The following PPP2R2C variants were observed in gnomAD, a reference collection of about 807,000 sequenced individuals.
The protein encoded by PPP2R2C is protein phosphatase 2, regulatory subunit B, gamma.
In PPP2R2C, 10 loss-of-function variants were observed where a neutral mutation model predicts 45.3. The ratio of observed to expected loss-of-function variants is 0.22; its 90% CI spans 0.14 to 0.37. PPP2R2C has a LOEUF of 0.37. PPP2R2C is among the 10% of genes least tolerant of loss of function. The probability of loss-of-function intolerance (pLI) is 1.00; values close to 1 mark genes in which losing one functional copy is unlikely to be tolerated. For missense variants in PPP2R2C, 308 were observed against 619.7 expected (o/e 0.50, Z 5.34); for synonymous variants, 257 against 245.4 (o/e 1.05, Z -0.44).
intron 1 of PPP2R2C, among the ~76,000 whole-genome samples, chr4:6,408,493 T>C (rs1008918090): frequency 6.6e-6 from 1 of 152,036 alleles, no homozygotes; most frequent in African/African-American, 2.4e-5. Flanking sequence ...CCAGGATGGG[T>C]GGGAACCTGG....
Position 6,472,292 on chromosome 4 carries a change from G to A in PPP2R2C, c.-63C>T. 1 of 1,597,310 alleles carries A rather than the reference G, an allele frequency of 6.3e-7. No individual in the cohort carries two copies. The highest frequency in any genetic ancestry group is 8.5e-7 in the Non-Finnish European group (1 of 1,172,218). On this transcript the variant is annotated 5_prime_UTR_variant, in exon 1 of 9. Coordinates refer to ENST00000382599, the MANE Select transcript of PPP2R2C (RefSeq NM_020416.4). ...CCACACACCGATGCAATCCGCAGAG[G>A]TCGCGCCGGGCGCGCGGGCCATGCC...
chr4:6,470,892 A>T (rs1236588765), intron 1 of PPP2R2C, among the ~76,000 whole-genome samples: 1 of 151,662 alleles, frequency 6.6e-6, no homozygotes, highest in Non-Finnish European at 1.5e-5. Context: ...CGGCCCCCGC[A>T]GCCTCCCTCC....
At chr4:6,367,043 T>G (rs559214488) in intron 5 of PPP2R2C, among the ~76,000 whole-genome samples, 1 of 151,370 alleles carries the variant, frequency 6.6e-6, no homozygotes, top group Non-Finnish European at 1.5e-5. Flanking sequence ...CTTTCCATTC[T>G]GAGGGTGAGA....
chr4:6,357,919 T>C (rs1435561559), intron 5 of PPP2R2C, among the ~76,000 whole-genome samples: 1 of 152,166 alleles, frequency 6.6e-6, no homozygotes, highest in East Asian at 1.9e-4. Context: ...GCAGAGGTTT[T>C]TATAGAAACT....
Position 6,323,034 on chromosome 4 carries a change from C to T in PPP2R2C, c.*268G>A, listed in dbSNP as rs2109142996. 2.6e-6 allele frequency: 1 copy of T among 380,136 alleles called. No individual in the cohort carries two copies. The highest frequency in any genetic ancestry group is 4.3e-5 in the East Asian group (1 of 23,288). The allele number at this position is 380,136 out of a possible 1,614,324, so 23.5% of individuals were successfully genotyped here. ...AAGAACCCTGAACTGTAAGACTCCA[C>T]AGTCATGTCCATTTTATGATTTGTG... On this transcript the variant is annotated 3_prime_UTR_variant, in exon 9 of 9. Transcript: ENST00000382599.
chr4:6,349,987 C>A, intron 5 of PPP2R2C: 1 of 985,278 alleles, frequency 1.0e-6, no homozygotes, highest in Non-Finnish European at 1.2e-6. Context: ...TCAGAAAGCA[C>A]CTAAAAGGGT....
At chr4:6,450,417 C>G (rs1720675195) in intron 1 of PPP2R2C, among the ~76,000 whole-genome samples, 1 of 152,204 alleles carries the variant, frequency 6.6e-6, no homozygotes, top group Non-Finnish European at 1.5e-5. Context: ...AGCTCTTCAT[C>G]TGGGTCACAG....
intron 1 of PPP2R2C, among the ~76,000 whole-genome samples, chr4:6,554,671 C>G (rs1438998259): frequency 1.3e-5 from 2 of 151,946 alleles, no homozygotes; most frequent in African/African-American, 4.8e-5. Flanking sequence ...ACCAGCCTGG[C>G]CAGCATGGTG....
Position 6,368,538 on chromosome 4 carries a change from G to A in PPP2R2C, c.625+3985C>T, listed in dbSNP as rs1192470029. Among the ~76,000 whole-genome samples the A allele has an allele frequency of 6.6e-6, 1 of 152,154 alleles. No individual in the cohort carries two copies. The highest frequency in any genetic ancestry group is 1.5e-5 in the Non-Finnish European group (1 of 68,032). On this transcript the variant is annotated intron_variant, in intron 5 of 8. Transcript: ENST00000382599. The surrounding 1 kb of genome is among the most constrained non-coding windows in gnomAD (Gnocchi z 4.2). Reference sequence around the variant, plus strand: ...GGCACAATCTGTGTGTTCGGGACGGGACAGGAGGCAAGGCTCACGGTAACG... The same window carrying A: ...GGCACAATCTGTGTGTTCGGGACGGAACAGGAGGCAAGGCTCACGGTAACG...
At position 6,331,092 on chromosome 4, in the gene PPP2R2C, G is replaced by T. The variant is rs1340610292; in HGVS notation, c.961-1739C>A. On this transcript the variant is annotated intron_variant, in intron 7 of 8. Coordinates refer to ENST00000382599, the MANE Select transcript of PPP2R2C (RefSeq NM_020416.4). This position sits in a 1 kb window ranked among gnomAD's most constrained non-coding sequence, Gnocchi z 5.9. The stretch of plus-strand genomic sequence containing the variant: ...AATCAAGGGGGATGAATGGCAGCAG[G>T]TTTTAGTGTTCGTGTCCCACCCCCG... Among the ~76,000 whole-genome samples, 1 of 152,156 alleles carries T rather than the reference G, an allele frequency of 6.6e-6. No homozygotes were observed. The highest frequency in any genetic ancestry group is 2.4e-5 in the African/African-American group (1 of 41,432).
At chr4:6,516,097 G>A (rs533141021) in intron 2 of PPP2R2C, among the ~76,000 whole-genome samples, 16 of 152,272 alleles carry the variant, frequency 1.1e-4, no homozygotes, top group Non-Finnish European at 1.8e-4. Flanking sequence ...AAATATGGTC[G>A]CATTCTGAGA....
At chr4:6,416,790 TGGA>T (rs1007832669) in intron 1 of PPP2R2C, among the ~76,000 whole-genome samples, 1 of 152,216 alleles carries the variant, frequency 6.6e-6, no homozygotes, top group African/African-American at 2.4e-5. Context: ...CTGGCAGGGC[TGGA>T]GGAGGAGGGA....
At chr4:6,532,350 G>A (rs1724432437) in intron 2 of PPP2R2C, among the ~76,000 whole-genome samples, 1 of 152,222 alleles carries the variant, frequency 6.6e-6, no homozygotes, top group Non-Finnish European at 1.5e-5. Context: ...CTGATGCCCA[G>A]GCCAGGGTTC....
At chr4:6,525,358 T>C (rs967330094) in intron 2 of PPP2R2C, among the ~76,000 whole-genome samples, 4 of 151,998 alleles carry the variant, frequency 2.6e-5, no homozygotes, top group African/African-American at 9.7e-5. Context: ...TGAGGCAAGA[T>C]TGTGCCGCTG....
At chr4:6,374,702 T>C (rs181748700) in intron 4 of PPP2R2C, among the ~76,000 whole-genome samples, 15 of 152,316 alleles carry the variant, frequency 9.8e-5, no homozygotes, top group Admixed American at 7.2e-4. Flanking sequence ...GGCGATTCCA[T>C]GTCTGTTTCC....
intron 2 of PPP2R2C, among the ~76,000 whole-genome samples, chr4:6,510,119 A>C (rs550648538): frequency 6.6e-6 from 1 of 152,014 alleles, no homozygotes; most frequent in Non-Finnish European, 1.5e-5. Flanking sequence ...AGCAGAACAA[A>C]TGGCCTTACA....
In PPP2R2C at chr4:6,472,254, GCA is replaced by G; in HGVS notation, c.-27_-26del. On this transcript the variant is annotated 5_prime_UTR_variant, in exon 1 of 9. It removes an upstream start codon present in the reference 5' UTR. Coordinates refer to ENST00000382599, the MANE Select transcript of PPP2R2C (RefSeq NM_020416.4). ...TTGAAGGCCGTGCCCGGTGCTCTGG[GCA>G]TGCCCCGCCGCCACACACCGATGCA... 6.2e-7 allele frequency: 1 copy of G among 1,611,494 alleles called. No individual in the cohort carries two copies. The highest frequency in any genetic ancestry group is 1.1e-5 in the South Asian group (1 of 91,060).
At chr4:6,404,390 G>A (rs887770019) in intron 1 of PPP2R2C, among the ~76,000 whole-genome samples, 18 of 152,316 alleles carry the variant, frequency 1.2e-4, no homozygotes, top group Non-Finnish European at 1.8e-4. Context: ...ACCCTATCTC[G>A]CCAGAGGCAT....
At chr4:6,496,698 C>T (rs1268874873) in intron 2 of PPP2R2C, among the ~76,000 whole-genome samples, 1 of 151,880 alleles carries the variant, frequency 6.6e-6, no homozygotes. Flanking sequence ...CCTATCTCTA[C>T]TAAATACAAA....
Sources: gnomAD v4.1 joint callset for allele counts (sites outside exome capture counted in the v4.1 genomes callset) on GRCh38, gnomAD v4.1.1 for gene constraint, Gnocchi (gnomAD v3.1) non-coding constraint, MANE v1.5 for transcripts, NCBI Gene and HGNC (gene_info 2026-07-23, HGNC 2026-07-21) for gene names.